LRFN2: variants seen among roughly 807,000 people sequenced by gnomAD.
LRFN2 encodes the protein leucine rich repeat and fibronectin type III domain containing 2, also known as leucine-rich repeat and fibronectin type-III domain-containing protein 2.
In LRFN2, 18 loss-of-function variants were observed where a neutral mutation model predicts 37.3. The ratio of observed to expected loss-of-function variants is 0.48; its 90% CI spans 0.33 to 0.72. The LOEUF (loss-of-function observed/expected upper bound fraction) is 0.72, where lower values mean the gene tolerates loss of function less well. LRFN2 is among the 30% of genes least tolerant of loss of function. LRFN2 has a pLI of 0.02. For missense variants in LRFN2, 1,006 were observed against 1,060.7 expected, an observed-to-expected ratio of 0.95 and a Z score of 0.72; for synonymous variants, 556 against 466.6, an observed-to-expected ratio of 1.19 and a Z score of -2.47.
At chr6:40,417,430 G>A (rs1763118462) in intron 2 of LRFN2, among the ~76,000 whole-genome samples, 1 of 152,198 alleles carries the variant, frequency 6.6e-6, no homozygotes. Flanking sequence ...CATTGCCAGG[G>A]CCAGGCACCA....
At chr6:40,474,231 C>T (rs1168973927) in intron 1 of LRFN2, among the ~76,000 whole-genome samples, 1 of 152,114 alleles carries the variant, frequency 6.6e-6, no homozygotes, top group Non-Finnish European at 1.5e-5. Context: ...AGTCTGGAGG[C>T]CAGAATTCTG....
Position 40,579,437 on chromosome 6 carries a change from T to TGGTAGAGC in LRFN2, c.-19+7496_-19+7503dup, listed in dbSNP as rs1767351861. 2.0e-5 allele frequency among the ~76,000 whole-genome samples: 3 copies of TGGTAGAGC among 152,180 alleles called. No homozygotes were observed. In the South Asian group the frequency reaches 6.2e-4, roughly 31 times the overall value. Reference sequence around the variant, plus strand: ...GTAAGATGGTAAGATGTCAGCTTAGTGGTAGAGCAGGGTGGGAAAGCAGCT... The same window carrying TGGTAGAGC: ...GTAAGATGGTAAGATGTCAGCTTAGTGGTAGAGCGGTAGAGCAGGGTGGGAAAGCAGCT... On this transcript the variant is annotated intron_variant, in intron 1 of 2. Transcript: ENST00000338305.
At position 40,571,801 on chromosome 6, in the gene LRFN2, G is replaced by A. The variant is rs79466033; in HGVS notation, c.-19+15140C>T. Among the ~76,000 whole-genome samples the A allele has an allele frequency of 7.7e-3, 1,172 of 152,274 alleles. 19 individuals are homozygous for A. The highest frequency in any genetic ancestry group is 0.027 in the African/African-American group (1,112 of 41,556). Reference sequence around the variant, plus strand: ...AGGAAAGGGGGAAGAGCCTTTGAGGGCCCCACAACAAGTTGGTGGCGGAGC... The same window carrying A: ...AGGAAAGGGGGAAGAGCCTTTGAGGACCCCACAACAAGTTGGTGGCGGAGC... On this transcript the variant is annotated intron_variant, in intron 1 of 2. Transcript: ENST00000338305.
chr6:40,431,671 C>T (rs1025075149), intron 2 of LRFN2, 43 bp downstream of exon 2: 1 of 1,482,330 alleles, frequency 6.7e-7, no homozygotes, highest in Non-Finnish European at 9.0e-7. Context: ...CCTCCTTCCC[C>T]AGCCAGACAC....
intron 1 of LRFN2, among the ~76,000 whole-genome samples, chr6:40,518,027 G>A (rs1216265654): frequency 6.6e-6 from 1 of 152,016 alleles, no homozygotes; most frequent in East Asian, 1.9e-4. Context: ...AGTATAAAAC[G>A]CCCTGTGCAC....
intron 2 of LRFN2, among the ~76,000 whole-genome samples, chr6:40,418,478 A>T (rs1418109115): frequency 1.3e-5 from 2 of 152,158 alleles, no homozygotes; most frequent in East Asian, 3.9e-4. Flanking sequence ...CCTAGGCAAG[A>T]GCTGTGCCTG....
intron 2 of LRFN2, among the ~76,000 whole-genome samples, chr6:40,406,179 G>A (rs1045365791): frequency 1.3e-5 from 2 of 152,228 alleles, no homozygotes; most frequent in African/African-American, 4.8e-5. Flanking sequence ...GTAAGAGGGA[G>A]CAGATGATAC....
intron 1 of LRFN2, among the ~76,000 whole-genome samples, chr6:40,483,258 T>C (rs1381972885): frequency 1.3e-5 from 2 of 152,260 alleles, no homozygotes; most frequent in African/African-American, 4.8e-5. Context: ...TCTCTCTGCT[T>C]TTCATTTCCA....
At chr6:40,460,831 G>C (rs181538434) in intron 1 of LRFN2, among the ~76,000 whole-genome samples, 1 of 152,126 alleles carries the variant, frequency 6.6e-6, no homozygotes, top group African/African-American at 2.4e-5. Context: ...TTTATGCAAT[G>C]GTCATTAAAT....
At chr6:40,490,131 C>T (rs1406128610) in intron 1 of LRFN2, among the ~76,000 whole-genome samples, 6 of 152,182 alleles carry the variant, frequency 3.9e-5, no homozygotes, top group Non-Finnish European at 5.9e-5. Flanking sequence ...AGTCAGACCC[C>T]GTGGAAGCAC....
At chr6:40,399,427 TTTTTTTTTTTC>T (rs1256676092) in intron 2 of LRFN2, among the ~76,000 whole-genome samples, 18 of 65,254 alleles carry the variant, frequency 2.8e-4, no homozygotes, top group African/African-American at 4.6e-4. Flanking sequence ...TTTTCTTTTC[TTTTTTTTTTTC>T]TTTTTTTTTT....
chr6:40,566,116 CA>C (rs966282871), intron 1 of LRFN2, among the ~76,000 whole-genome samples: 6 of 151,994 alleles, frequency 3.9e-5, no homozygotes, highest in African/African-American at 1.2e-4. Flanking sequence ...TTTATGCAGC[CA>C]AAAAACACAT....
intron 1 of LRFN2, among the ~76,000 whole-genome samples, chr6:40,556,434 C>T (rs1208557284): frequency 6.6e-6 from 1 of 152,166 alleles, no homozygotes; most frequent in Non-Finnish European, 1.5e-5. Context: ...GAAGCCCCAC[C>T]TGCACTTCTG....
chr6:40,519,842 A>T (rs1236785676), intron 1 of LRFN2, among the ~76,000 whole-genome samples: 1 of 152,194 alleles, frequency 6.6e-6, no homozygotes, highest in African/African-American at 2.4e-5. Flanking sequence ...TGAGCTGGGG[A>T]TGAAATGATG....
intron 1 of LRFN2, among the ~76,000 whole-genome samples, chr6:40,444,113 C>T (rs60347141): frequency 2.3e-3 from 343 of 152,244 alleles, no homozygotes; most frequent in African/African-American, 6.1e-3. Context: ...TCAGCCTACC[C>T]GGGCACAGAG....
chr6:40,456,512 T>C (rs1001785346), intron 1 of LRFN2, among the ~76,000 whole-genome samples: 1 of 152,226 alleles, frequency 6.6e-6, no homozygotes, highest in Non-Finnish European at 1.5e-5. Flanking sequence ...TTGAATCTTG[T>C]GCTCTTGTGT....
At chr6:40,543,328 T>C (rs1446809430) in intron 1 of LRFN2, among the ~76,000 whole-genome samples, 1 of 152,234 alleles carries the variant, frequency 6.6e-6, no homozygotes, top group Non-Finnish European at 1.5e-5. Context: ...AAATTATATG[T>C]ATGCACCGTC....
At chr6:40,482,656 G>A (rs763790149) in intron 1 of LRFN2, among the ~76,000 whole-genome samples, 6 of 152,092 alleles carry the variant, frequency 3.9e-5, no homozygotes, top group Non-Finnish European at 8.8e-5. Flanking sequence ...TGAAGTCAGC[G>A]CTTAGCTCCC....
chr6:40,433,238 A>C, intron 1 of LRFN2, 107 bp from the exon 2 acceptor site: 1 of 896,544 alleles, frequency 1.1e-6, no homozygotes, highest in Non-Finnish European at 1.6e-6. Flanking sequence ...AGTGGCATAG[A>C]ATGGCAAGTG....
Sources: allele counts gnomAD v4.1 joint callset (sites outside exome capture counted in the v4.1 genomes callset), GRCh38; gene constraint gnomAD v4.1.1; transcripts MANE v1.5; gene names NCBI Gene and HGNC (gene_info 2026-07-23, HGNC 2026-07-21).